ADAM32: variants seen among roughly 807,000 people sequenced by gnomAD.
ADAM32 encodes the protein disintegrin and metalloproteinase domain-containing protein 32.
ADAM32 carries 89 observed loss-of-function variants against 114.9 expected under a neutral mutation model. The observed-to-expected ratio is 0.77, with a 90% CI of 0.65 to 0.92. ADAM32 has a LOEUF of 0.92. Ranked by LOEUF, ADAM32 falls within the 40% of genes least tolerant of loss-of-function variation. ADAM32 has a pLI of 0.00. For synonymous variants in ADAM32, 285 were observed against 307.5 expected (o/e 0.93, Z 0.77); for missense variants, 870 against 932.8 (o/e 0.93, Z 0.88).
At chr8:39,155,961 C>G (rs1057308743) in intron 6 of ADAM32, among the ~76,000 whole-genome samples, 1 of 152,016 alleles carries the variant, frequency 6.6e-6, no homozygotes, top group Non-Finnish European at 1.5e-5. Flanking sequence ...TGCTGCTATA[C>G]AGCTTTGTCT....
intron 3 of ADAM32, among the ~76,000 whole-genome samples, chr8:39,138,518 G>A (rs13259005): frequency 0.47 from 71,326 of 151,868 alleles, 17,477 homozygotes; most frequent in African/African-American, 0.62. Context: ...CTTTTTTATG[G>A]CTGCATAGTA....
chr8:39,214,896 G>A (rs1239867494), intron 12 of ADAM32, among the ~76,000 whole-genome samples: 1 of 151,846 alleles, frequency 6.6e-6, no homozygotes. Flanking sequence ...TAGTTTCATT[G>A]TCATGCATGT....
At chr8:39,124,738 A>T (rs1588475346) in intron 2 of ADAM32, among the ~76,000 whole-genome samples, 1 of 151,984 alleles carries the variant, frequency 6.6e-6, no homozygotes, top group Admixed American at 6.6e-5. Flanking sequence ...TTCTTTATCC[A>T]GTCTATTGTT....
At chr8:39,161,647 G>A (rs1436900409) in intron 7 of ADAM32, among the ~76,000 whole-genome samples, 1 of 152,086 alleles carries the variant, frequency 6.6e-6, no homozygotes, top group South Asian at 2.1e-4. Context: ...CTTTATTTGT[G>A]TATACCTATG....
chr8:39,141,992 A>G (rs1257067144), intron 3 of ADAM32, among the ~76,000 whole-genome samples: 1 of 152,114 alleles, frequency 6.6e-6, no homozygotes, highest in East Asian at 1.9e-4. Flanking sequence ...AGTCTGTTTT[A>G]TCAGAGACTA....
chr8:39,210,489 C>T (rs951996696), intron 11 of ADAM32, among the ~76,000 whole-genome samples: 5 of 152,082 alleles, frequency 3.3e-5, no homozygotes, highest in Non-Finnish European at 7.4e-5. Flanking sequence ...GGGTTCTATC[C>T]CGTGCTCTTA....
intron 1 of ADAM32, among the ~76,000 whole-genome samples, chr8:39,116,576 A>G (rs937371926): frequency 6.6e-6 from 1 of 151,974 alleles, no homozygotes; most frequent in Non-Finnish European, 1.5e-5. Flanking sequence ...TGATTTTTGT[A>G]CATTGATTTT....
At chr8:39,222,973 A>T in intron 13 of ADAM32, 67 bp from the exon 14 acceptor site, 1 of 1,331,892 alleles carries the variant, frequency 7.5e-7, no homozygotes, top group South Asian at 1.5e-5. Context: ...CACAATTTTG[A>T]AGTAAATATT....
rs768163907 is a variant in ADAM32 at position 39,234,000 on chromosome 8, G to C, written c.1736G>C (p.Cys579Ser). ...TATGCTTTCGTACGAGATTCTGTAT[G>C]CATAACTGTAGACTACAAATTGCCT... ...VIYAFVRDSV[C>S]ITVDYKLPRT... Residue 579 changes from cysteine to serine, a missense_variant, in exon 16 of 25, where the codon TGC becomes TCC. Coordinates refer to ENST00000379907, the MANE Select transcript of ADAM32 (RefSeq NM_145004.7). The C allele has an allele frequency of 1.3e-6, 2 of 1,566,736 alleles. No homozygotes were observed. The highest frequency in any genetic ancestry group is 3.7e-5 in the Admixed American group (2 of 54,544).
chr8:39,223,060 A>G lies in ADAM32; in HGVS notation c.1347A>G (p.Glu449=). The G allele has an allele frequency of 6.3e-7, 1 of 1,586,716 alleles. No homozygotes were observed. Among genetic ancestry groups the G allele is most frequent in the Non-Finnish European group, 8.6e-7 (1 of 1,167,204 alleles). ...KDCQILQSGV[E]CRPKAHPECD... is the part of the protein sequence containing the mutation. ...CTTAGATTTTACAATCAGGCGTTGA[A>G]TGTAGGCCGAAAGCACATCCTGAAT... Residue 449 remains glutamate (E), a synonymous_variant, in exon 14 of 25, where the codon GAA becomes GAG. Transcript: ENST00000379907.
chr8:39,175,588 A>T (rs1182171585), intron 10 of ADAM32, among the ~76,000 whole-genome samples: 1 of 152,086 alleles, frequency 6.6e-6, no homozygotes, highest in East Asian at 1.9e-4. Flanking sequence ...CCAGTATTTT[A>T]TTGAGGATTT....
At chr8:39,192,628 GT>G (rs1806680240) in intron 11 of ADAM32, among the ~76,000 whole-genome samples, 1 of 152,208 alleles carries the variant, frequency 6.6e-6, no homozygotes, top group South Asian at 2.1e-4. Flanking sequence ...GTGTATTTCA[GT>G]GTGTTTTTGT....
At chr8:39,185,848 G>A (rs2129447130) in intron 10 of ADAM32, among the ~76,000 whole-genome samples, 1 of 152,122 alleles carries the variant, frequency 6.6e-6, no homozygotes, top group East Asian at 1.9e-4. Flanking sequence ...ATGTGGGGTA[G>A]TGAGACTAAT....
intron 14 of ADAM32, among the ~76,000 whole-genome samples, chr8:39,229,956 C>T (rs1003683289): frequency 6.6e-6 from 1 of 152,104 alleles, no homozygotes; most frequent in East Asian, 1.9e-4. Context: ...ATAAAACGAG[C>T]CTCAATAAAT....
At chr8:39,227,112 G>A (rs1585588417) in intron 14 of ADAM32, among the ~76,000 whole-genome samples, 1 of 152,256 alleles carries the variant, frequency 6.6e-6, no homozygotes, top group Middle Eastern at 3.4e-3. Context: ...ACAATCCTGA[G>A]AGGACCCACA....
chr8:39,110,722 T>G (rs746437164), intron 1 of ADAM32, among the ~76,000 whole-genome samples: 2 of 152,260 alleles, frequency 1.3e-5, no homozygotes, highest in Non-Finnish European at 2.9e-5. Flanking sequence ...TAACTACAAG[T>G]GCAAGAAATC....
At position 39,235,456 on chromosome 8, in the gene ADAM32, G is replaced by A. The variant is rs118026263; in HGVS notation, c.1818+1374G>A. 4.0e-3 allele frequency among the ~76,000 whole-genome samples: 607 copies of A among 152,232 alleles called. 3 individuals carry two copies. The highest frequency in any genetic ancestry group is 6.9e-3 in the Non-Finnish European group (468 of 68,006). On this transcript the variant is annotated intron_variant, in intron 16 of 24. Coordinates refer to ENST00000379907, the MANE Select transcript of ADAM32 (RefSeq NM_145004.7). ...TTCGAGTCATAAGTGCCATCTTGAT[G>A]GAGGTTTGGGCCAGGGAGCTCAGTG...
At chr8:39,163,559 A>T (rs1399181706) in intron 7 of ADAM32, among the ~76,000 whole-genome samples, 1 of 152,224 alleles carries the variant, frequency 6.6e-6, no homozygotes, top group Non-Finnish European at 1.5e-5. Flanking sequence ...ACAACTTTAA[A>T]AGTTACTGAT....
At chr8:39,236,677 A>G (rs981223179) in intron 16 of ADAM32, among the ~76,000 whole-genome samples, 2 of 152,172 alleles carry the variant, frequency 1.3e-5, no homozygotes, top group Non-Finnish European at 2.9e-5. Context: ...TTATCACCCA[A>G]AATTCATAGT....
Sources: allele counts gnomAD v4.1 joint callset (sites outside exome capture counted in the v4.1 genomes callset), GRCh38; gene constraint gnomAD v4.1.1; transcripts MANE v1.5; gene names NCBI Gene and HGNC (gene_info 2026-07-23, HGNC 2026-07-21).